The following PLRG1 variants were observed in gnomAD, a reference collection of about 807,000 sequenced individuals.
PLRG1 encodes the protein pleiotropic regulator 1, also known as pleiotropic regulator 1 (PRL1 homolog, Arabidopsis).
In PLRG1, 28 loss-of-function variants were observed where a neutral mutation model predicts 74.9. That is an observed-to-expected ratio of 0.37 (90% CI 0.28 to 0.51). The LOEUF is 0.51. Ranked by LOEUF, PLRG1 falls within the 20% of genes least tolerant of loss-of-function variation. PLRG1 has a pLI of 0.91. For missense variants in PLRG1, 445 were observed against 631.9 expected, an observed-to-expected ratio of 0.70 and a Z score of 3.17; for synonymous variants, 197 against 212.4, an observed-to-expected ratio of 0.93 and a Z score of 0.63.
At chr4:154,547,493 C>T (rs1729679467) in intron 3 of PLRG1, 1 of 575,268 alleles carries the variant, frequency 1.7e-6, no homozygotes, top group Non-Finnish European at 3.0e-6. Flanking sequence ...CTCTAAGAAT[C>T]TCTGCCATCA....
chr4:154,547,149 A>T, intron 3 of PLRG1, 85 bp from the exon 4 acceptor site: 1 of 960,492 alleles, frequency 1.0e-6, no homozygotes, highest in South Asian at 1.3e-5. Flanking sequence ...AGTAATATTA[A>T]GTTTTCAACT....
chr4:154,536,622 C>A lies in PLRG1; in HGVS notation c.*63G>T. 7.9e-6 allele frequency: 7 copies of A among 880,892 alleles called. No homozygotes were observed. Among genetic ancestry groups the A allele is most frequent in the Non-Finnish European group, 1.3e-5 (7 of 553,990 alleles). 54.6% of individuals were successfully genotyped at this position (880,892 alleles called of 1,614,324 possible). ...CAAAATGACTGGATATCCTCATGAA[C>A]GCCAAGCTTTTTTTTTTTTAATTAA... On this transcript the variant is annotated 3_prime_UTR_variant, in exon 15 of 15. Transcript: ENST00000499023.
intron 7 of PLRG1, among the ~76,000 whole-genome samples, chr4:154,543,407 C>T (rs1729590809): frequency 6.6e-6 from 1 of 152,084 alleles, no homozygotes; most frequent in Non-Finnish European, 1.5e-5. Flanking sequence ...CCTAGGCCTC[C>T]CAAAGCACTG....
At position 154,546,142 on chromosome 4, in the gene PLRG1, C is replaced by A; in HGVS notation, c.385G>T (p.Ala129Ser). The change falls in exon 5 of 15, where the codon GCA (alanine) becomes TCA (serine). Residue 129 changes from alanine to serine, a missense_variant. Physicochemically the swap from Ala to Ser is moderately conservative, Grantham distance 99. Coordinates refer to ENST00000499023, the MANE Select transcript of PLRG1 (RefSeq NM_002669.4). ...SESAAQSLAV[A>S]LPLQTKADAN... ...TCATACTTGGTCTGCAAAGGTAATG[C>A]CACCGCTAAGGACTGTGCAGCTGAT... 6.3e-7 allele frequency: 1 copy of A among 1,594,482 alleles called. No homozygotes were observed. Among genetic ancestry groups the A allele is most frequent in the Non-Finnish European group, 8.6e-7 (1 of 1,163,158 alleles).
At position 154,542,293 on chromosome 4, in the gene PLRG1, AG is replaced by A; in HGVS notation, c.595-15del. On this transcript the variant is annotated splice_polypyrimidine_tract_variant and intron_variant, in intron 7 of 14. Coordinates refer to ENST00000499023, the MANE Select transcript of PLRG1 (RefSeq NM_002669.4). ...CCCACTGATAACCTGTATAAAACAA[AG>A]TAGAATGGGCAGGCCAACGTAGAAG... is the stretch of plus-strand genomic sequence containing the variant. The A allele has an allele frequency of 6.4e-7, 1 of 1,553,378 alleles. No individual in the cohort carries two copies. The highest frequency in any genetic ancestry group is 1.1e-5 in the South Asian group (1 of 89,766).
rs1325314229 is a variant in PLRG1, at chr4:154,539,165, G to C, written c.1091C>G (p.Thr364Arg). The change falls in exon 12 of 15, where the codon ACA becomes AGA. Residue 364 changes from threonine to arginine, a missense_variant. This residue lies in a region of PLRG1 where 221 missense variants were observed against 377.7 expected (regional missense o/e 0.59). Coordinates refer to ENST00000499023, the MANE Select transcript of PLRG1 (RefSeq NM_002669.4). ...TTTGTGATTTGTTAATGTCACTCTT[G>C]TTTTTCCAGCCACCAGATCCCATAA... Reference protein sequence around the residue: ...IRLWDLVAGKTRVTLTNHKKS... With the variant: ...IRLWDLVAGKRRVTLTNHKKS... The C allele has an allele frequency of 6.2e-7, 1 of 1,612,434 alleles. No homozygotes were observed. The highest frequency in any genetic ancestry group is 2.2e-5 in the East Asian group (1 of 44,846).
chr4:154,548,154 A>C (rs1342402837), intron 2 of PLRG1, among the ~76,000 whole-genome samples: 1 of 152,196 alleles, frequency 6.6e-6, no homozygotes, highest in African/African-American at 2.4e-5. Context: ...ACCCTTTAAG[A>C]AACCTCAAAG....
In PLRG1 at chr4:154,546,852, G is replaced by T. The variant is rs1250498481; in HGVS notation, c.313+159C>A. ...ACTTAAGAATGTTTGCTGAATGAAG[G>T]CATATGAGTATTCATTATTACCTAC... is the stretch of plus-strand genomic sequence containing the variant. On this transcript the variant is annotated intron_variant, in intron 4 of 14. Transcript: ENST00000499023. 9 of 636,468 alleles carry T rather than the reference G, an allele frequency of 1.4e-5. No individual in the cohort carries two copies. In the Admixed American group the frequency reaches 1.9e-4, roughly 13 times the overall value. 39.4% of individuals were successfully genotyped at this position (636,468 alleles called of 1,614,324 possible).
At chr4:154,548,795 AT>A in intron 2 of PLRG1, 33 bp downstream of exon 2, 1 of 1,054,088 alleles carries the variant, frequency 9.5e-7, no homozygotes, top group Non-Finnish European at 1.5e-6. Flanking sequence ...AATGTTAAGT[AT>A]TTTAGCAATT....
In PLRG1 at chr4:154,536,718, C is replaced by A; in HGVS notation, c.1512G>T (p.Trp504Cys). The change falls in exon 15 of 15, where the codon TGG becomes TGT. Residue 504 changes from tryptophan (W) to cysteine (C), a missense_variant. Physicochemically the swap from Trp to Cys is radical, Grantham distance 215. Transcript: ENST00000499023. ...TATEETHPVSWKPEIIKRKRF is the reference protein window; with the variant it reads ...TATEETHPVSCKPEIIKRKRF ...TCTTTCTCTTGATAATTTCTGGTTT[C>A]CAGCTGACTGGATGAGTTTCTTCTG... The A allele has an allele frequency of 6.5e-7, 1 of 1,536,154 alleles. No individual in the cohort carries two copies. Among genetic ancestry groups the A allele is most frequent in the Non-Finnish European group, 8.9e-7 (1 of 1,126,400 alleles).
In PLRG1 at chr4:154,539,138, T is replaced by C; in HGVS notation, c.1118A>G (p.Lys373Arg). 6.2e-7 allele frequency: 1 copy of C among 1,610,124 alleles called. No homozygotes were observed. Among genetic ancestry groups the C allele is most frequent in the Non-Finnish European group, 8.5e-7 (1 of 1,176,460 alleles). ...KTRVTLTNHK[K>R]SVRAVVLHPR... The stretch of plus-strand genomic sequence containing the variant: ...ATGTAAAACCACAGCCCTAACTGAT[T>C]TTTTGTGATTTGTTAATGTCACTCT... The change falls in exon 12 of 15, where the codon AAA becomes AGA. Residue 373 changes from lysine to arginine, a missense_variant. Physicochemically the swap from Lys to Arg is conservative, Grantham distance 26. Around this residue, in one of 3 missense-constraint regions of PLRG1, gnomAD observed 221 missense variants for 377.7 expected, o/e 0.59. Coordinates refer to ENST00000499023, the MANE Select transcript of PLRG1 (RefSeq NM_002669.4).
chr4:154,549,632 G>A (rs1299299295), intron 1 of PLRG1: 1 of 455,630 alleles, frequency 2.2e-6, no homozygotes, highest in Non-Finnish European at 4.4e-6. Flanking sequence ...GTCAGTAAAG[G>A]GTTTTAAACA....
chr4:154,546,905 G>A lies in PLRG1; in HGVS notation c.313+106C>T, dbSNP rs572750250. 2.1e-4 allele frequency: 177 copies of A among 842,564 alleles called. 5 individuals are homozygous for A. In the South Asian group the frequency reaches 2.4e-3, roughly 11 times the overall value. 52.2% of individuals were successfully genotyped at this position (842,564 alleles called of 1,614,324 possible). A position where few individuals can be genotyped will look rare whatever the true frequency, so the allele number is the denominator to read the frequency against. ...AGCTATGCATGGATGCTTGGCTACT[G>A]AGCTTATCTTGCATTTTATAGGCAA... On this transcript the variant is annotated intron_variant, in intron 4 of 14. Coordinates refer to ENST00000499023, the MANE Select transcript of PLRG1 (RefSeq NM_002669.4).
chr4:154,540,623 C>T lies in PLRG1; in HGVS notation c.910G>A (p.Val304Ile), dbSNP rs2111102771. The T allele has an allele frequency of 1.9e-6, 3 of 1,612,936 alleles. No homozygotes were observed. The highest frequency in any genetic ancestry group is 2.2e-5 in the East Asian group (1 of 44,882). ...GCAGTTGAATCTCGACTACAGGTTA[C>T]CAACACATCGATTGTCGGGTGCAAA... ...LDLHPTIDVL[V>I]TCSRDSTARI... The change falls in exon 10 of 15, where the codon GTA becomes ATA. Residue 304 changes from valine to isoleucine, a missense_variant. Physicochemically the swap from Val to Ile is conservative, Grantham distance 29 (BLOSUM62 3). Around this residue, in one of 3 missense-constraint regions of PLRG1, gnomAD observed 221 missense variants for 377.7 expected, o/e 0.59. Transcript: ENST00000499023.
intron 14 of PLRG1, among the ~76,000 whole-genome samples, 184 bp from the exon 15 acceptor site, chr4:154,536,928 GATTC>G (rs1729463140): frequency 6.6e-6 from 1 of 151,832 alleles, no homozygotes; most frequent in Non-Finnish European, 1.5e-5. Context: ...CAGATGGATG[GATTC>G]ATTATGTTTA....
At chr4:154,549,242 G>A (rs1729715125) in intron 1 of PLRG1, 9 of 381,072 alleles carry the variant, frequency 2.4e-5, no homozygotes, top group South Asian at 1.6e-4. Context: ...ATAAAAAGGT[G>A]GTCATGGTCC....
At chr4:154,540,193 A>C in intron 10 of PLRG1, 140 bp from the exon 11 acceptor site, 1 of 608,188 alleles carries the variant, frequency 1.6e-6, no homozygotes, top group South Asian at 2.0e-5. Flanking sequence ...AGTGAAAGAT[A>C]ATGATTTACA....
At position 154,544,452 on chromosome 4, in the gene PLRG1, A is replaced by T; in HGVS notation, c.587T>A (p.Leu196His). 1 of 1,580,490 alleles carries T rather than the reference A, an allele frequency of 6.3e-7. No individual in the cohort carries two copies. The highest frequency in any genetic ancestry group is 8.7e-7 in the Non-Finnish European group (1 of 1,149,374). The change falls in exon 7 of 15, where the codon CTC becomes CAC. Residue 196 changes from leucine (L) to histidine (H), a missense_variant. Transcript: ENST00000499023. Reference protein sequence around the residue: ...PKPQWHPPWKLYRVISGHLGW... With the variant: ...PKPQWHPPWKHYRVISGHLGW... ...AAATGCAGAGTCACTCACCCTGTAG[A>T]GTTTCCACGGTGGGTGCCACTGGGG... is the stretch of plus-strand genomic sequence containing the variant.
chr4:154,543,411 A>G (rs1729590853), intron 7 of PLRG1, among the ~76,000 whole-genome samples: 1 of 152,154 alleles, frequency 6.6e-6, no homozygotes, highest in Non-Finnish European at 1.5e-5. Context: ...GGCCTCCCAA[A>G]GCACTGGGAT....
Sources: allele counts gnomAD v4.1 joint callset (sites outside exome capture counted in the v4.1 genomes callset), GRCh38; gene constraint gnomAD v4.1.1; regional missense constraint gnomAD v4.1.1; transcripts MANE v1.5; gene names NCBI Gene and HGNC (gene_info 2026-07-23, HGNC 2026-07-21).